CDC25B: variants seen among roughly 807,000 people sequenced by gnomAD.
CDC25B encodes the protein M-phase inducer phosphatase 2.
Under a neutral mutation model 69.8 loss-of-function variants are expected in CDC25B, and 33 were observed. The ratio of observed to expected loss-of-function variants is 0.47; its 90% CI spans 0.36 to 0.63. The LOEUF (loss-of-function observed/expected upper bound fraction) is 0.63, where lower values mean the gene tolerates loss of function less well. Among genes scored for constraint, CDC25B ranks in the 30% least tolerant of loss-of-function variants. CDC25B has a pLI of 0.00. For missense variants in CDC25B, 727 were observed against 809.1 expected (o/e 0.90, Z 1.23); for synonymous variants, 341 against 314.6 (o/e 1.08, Z -0.89).
chr20:3,804,314 T>C (rs972595046), intron 14 of CDC25B, among the ~76,000 whole-genome samples: 12 of 152,168 alleles, frequency 7.9e-5, no homozygotes, highest in African/African-American at 2.9e-4. Flanking sequence ...GGCACAGATA[T>C]CTCTAACAAA....
In CDC25B at chr20:3,805,396, G is replaced by A. The variant is rs1351982666; in HGVS notation, c.*435G>A. 8.2e-6 allele frequency: 2 copies of A among 243,978 alleles called. No homozygotes were observed. Among genetic ancestry groups the A allele is most frequent in the African/African-American group, 4.4e-5 (2 of 45,186 alleles). 15.1% of individuals were successfully genotyped at this position (243,978 alleles called of 1,614,324 possible). On this transcript the variant is annotated 3_prime_UTR_variant, in exon 16 of 16. Transcript: ENST00000245960. The stretch of plus-strand genomic sequence containing the variant: ...CCTGAGAGTCAGCTCTCTGCCCTGT[G>A]TACTTCCCGGGCCAGGGCTGCCCCT...
At chr20:3,801,223 C>T in intron 7 of CDC25B, 31 bp from the exon 8 acceptor site, 2 of 1,610,516 alleles carry the variant, frequency 1.2e-6, no homozygotes, top group Non-Finnish European at 1.7e-6. Flanking sequence ...ATCTCCACCT[C>T]TAAGTCTGTG....
upstream of CDC25B, among the ~76,000 whole-genome samples, chr20:3,793,906 T>C (rs1436052467): frequency 1.3e-5 from 2 of 151,298 alleles, no homozygotes; most frequent in African/African-American, 4.9e-5. Context: ...ATTTCATCCA[T>C]GTCCCTACAA....
Position 3,801,268 on chromosome 20 carries a change from C to A in CDC25B, c.720C>A (p.Asp240Glu), listed in dbSNP as rs2089273780. 6.2e-7 allele frequency: 1 copy of A among 1,613,922 alleles called. No homozygotes were observed. The highest frequency in any genetic ancestry group is 2.2e-5 in the East Asian group (1 of 44,872). Residue 240 changes from aspartate (D) to glutamate (E), a missense_variant, in exon 8 of 16, where the codon GAC (aspartate) becomes GAA (glutamate). Physicochemically the swap from Asp to Glu is conservative, Grantham distance 45 (BLOSUM62 2). Around this residue, in one of 2 missense-constraint regions of CDC25B, gnomAD observed 368 missense variants for 345.6 expected, o/e 1.06. Transcript: ENST00000245960. ...SAPDLMCLSP[D>E]RKMEVEELSP... ...CATGTGGACAGTGTCTCAGTCCTGA[C>A]CGGAAGATGGAAGTGGAGGAGCTCA...
Position 3,797,650 on chromosome 20 carries a change from C to G in CDC25B, c.229C>G (p.Leu77Val), listed in dbSNP as rs767599192. 1 of 1,614,200 alleles carries G rather than the reference C, an allele frequency of 6.2e-7. No individual in the cohort carries two copies. Among genetic ancestry groups the G allele is most frequent in the Non-Finnish European group, 8.5e-7 (1 of 1,180,036 alleles). ...SETPKSQVGT[L>V]LFRSRSRLTH... Reference sequence around the variant, plus strand: ...AACCCCAAAGAGTCAGGTAGGGACCCTGCTCTTCCGCAGCCGCAGCCGCCT... The same window carrying G: ...AACCCCAAAGAGTCAGGTAGGGACCGTGCTCTTCCGCAGCCGCAGCCGCCT... The change falls in exon 2 of 16, where the codon CTG (leucine) becomes GTG (valine). Residue 77 changes from leucine (L) to valine (V), a missense_variant. Leu to Val is a conservative substitution (Grantham distance 32, BLOSUM62 1). Around this residue, in one of 2 missense-constraint regions of CDC25B, gnomAD observed 368 missense variants for 345.6 expected, o/e 1.06. Coordinates refer to ENST00000245960, the MANE Select transcript of CDC25B (RefSeq NM_021873.4).
At position 3,789,691 on chromosome 20, in the gene CDC25B, A is replaced by AAATAATG. The variant is rs1425738323; in HGVS notation, c.8+2554_8+2555insTAATGAA. Reference sequence around the variant, plus strand: ...CGGCCAAAAAATAATAATAAATAATAAAAATAAAGAGAACAACATTGGGCG... The same window carrying AAATAATG: ...CGGCCAAAAAATAATAATAAATAATAAATAATGAAAATAAAGAGAACAACATTGGGCG... On this transcript the variant is annotated intron_variant, in intron 1 of 15. Coordinates refer to the CDC25B transcript ENST00000344256. 1.1e-4 allele frequency among the ~76,000 whole-genome samples: 16 copies of AAATAATG among 151,752 alleles called. 1 individual carries two copies. Among genetic ancestry groups the AAATAATG allele is most frequent in the African/African-American group, 3.9e-4 (16 of 41,388 alleles).
chr20:3,800,800 G>C lies in CDC25B; in HGVS notation c.517G>C (p.Asp173His). 1 of 1,612,798 alleles carries C rather than the reference G, an allele frequency of 6.2e-7. No homozygotes were observed. Among genetic ancestry groups the C allele is most frequent in the Non-Finnish European group, 8.5e-7 (1 of 1,180,030 alleles). ...GAACATCACCAACTCCCAGGCGCCC[G>C]ACGGCCGGAGGAAGAGCGAGGCGGG... is the stretch of plus-strand genomic sequence containing the variant. ...LRNITNSQAP[D>H]GRRKSEAGSG... is the part of the protein sequence containing the mutation. The change falls in exon 6 of 16, where the codon GAC (aspartate) becomes CAC (histidine). Residue 173 changes from aspartate to histidine, a missense_variant. Asp to His is a moderately conservative substitution (Grantham distance 81, BLOSUM62 -1). Around this residue, in one of 2 missense-constraint regions of CDC25B, gnomAD observed 368 missense variants for 345.6 expected, o/e 1.06. Coordinates refer to ENST00000245960, the MANE Select transcript of CDC25B (RefSeq NM_021873.4).
At chr20:3,793,325 C>T (rs1195701765), upstream of CDC25B, among the ~76,000 whole-genome samples, 10 of 152,064 alleles carry the variant, frequency 6.6e-5, no homozygotes, top group African/African-American at 9.7e-5. Flanking sequence ...GGAATGGTGG[C>T]GGGCACCTGT....
At chr20:3,797,840 T>C (rs1324834223) in intron 2 of CDC25B, 91 bp downstream of exon 2, 2 of 1,497,406 alleles carry the variant, frequency 1.3e-6, no homozygotes, top group Non-Finnish European at 1.8e-6. Flanking sequence ...CCGATCAAAC[T>C]AACATCCTCC....
chr20:3,790,560 G>A (rs1474205326), intron 1 of CDC25B, among the ~76,000 whole-genome samples: 2 of 150,100 alleles, frequency 1.3e-5, no homozygotes, highest in African/African-American at 2.4e-5. Context: ...GGTGGCTCAC[G>A]CCTGTAATCC....
At chr20:3,802,886 C>T (rs751954155) in intron 11 of CDC25B, 24 bp from the exon 12 acceptor site, 2 of 1,600,572 alleles carry the variant, frequency 1.2e-6, no homozygotes, top group Non-Finnish European at 1.7e-6. Flanking sequence ...CTCCCCTCTC[C>T]CTCATCCCTT....
chr20:3,796,828 G>A (rs903765425), intron 1 of CDC25B, 97 bp downstream of exon 1: 9 of 1,443,904 alleles, frequency 6.2e-6, no homozygotes, highest in Non-Finnish European at 8.2e-6. Context: ...AATCCAGGAG[G>A]TGGAGTCCGG....
chr20:3,797,899 G>T lies in CDC25B; in HGVS notation c.328+150G>T, dbSNP rs913657099. The T allele has an allele frequency of 7.2e-6, 7 of 967,824 alleles. No individual in the cohort carries two copies. In the African/African-American group the frequency reaches 9.8e-5, roughly 14 times the overall value. 60.0% of individuals were successfully genotyped at this position (967,824 alleles called of 1,614,324 possible). A position where few individuals can be genotyped will look rare whatever the true frequency, so the allele number is the denominator to read the frequency against. ...CCTCTCCCCCACCCTCCACAGAAAT[G>T]GGAGGAAGACACACCTCTTGTGGGG... On this transcript the variant is annotated intron_variant, in intron 2 of 15. Transcript: ENST00000245960.
rs769895609 is a variant in CDC25B, at chr20:3,803,160, T to C, written c.1310T>C (p.Ile437Thr). Residue 437 changes from isoleucine to threonine, a missense_variant, in exon 13 of 16, where the codon ATT becomes ACT. Coordinates refer to ENST00000245960, the MANE Select transcript of CDC25B (RefSeq NM_021873.4). This position sits in a 1 kb window ranked among gnomAD's most constrained non-coding sequence, Gnocchi z 4.9. ...KFSNIVDKFV[I>T]VDCRYPYEYE... ...AGCAACATCGTGGATAAGTTTGTGA[T>C]TGTAGACTGCAGATACCCCTATGAA... 6.2e-6 allele frequency: 10 copies of C among 1,613,946 alleles called. No homozygotes were observed. Among genetic ancestry groups the C allele is most frequent in the South Asian group, 1.1e-5 (1 of 91,070 alleles).
Position 3,800,473 on chromosome 20 carries a change from C to A in CDC25B, c.434C>A (p.Ala145Asp), listed in dbSNP as rs111654983. ...ATTTCCTCCTGTAGCGAGCAGTTTGCCATCAGACGCTTCCAGTCTATGCCG... is the reference window on the plus strand; with the variant it reads ...ATTTCCTCCTGTAGCGAGCAGTTTGACATCAGACGCTTCCAGTCTATGCCG... ...ASRIIRNEQF[A>D]IRRFQSMPVR... The change falls in exon 5 of 16, where the codon GCC (alanine) becomes GAC (aspartate). Residue 145 changes from alanine to aspartate, a missense_variant. Physicochemically the swap from Ala to Asp is moderately radical, Grantham distance 126. This residue lies in a region of CDC25B where 368 missense variants were observed against 345.6 expected (regional missense o/e 1.06). Coordinates refer to ENST00000245960, the MANE Select transcript of CDC25B (RefSeq NM_021873.4). 3 of 1,614,104 alleles carry A rather than the reference C, an allele frequency of 1.9e-6. No homozygotes were observed. The African/African-American group carries it at 4.0e-5, about 22-fold the overall frequency.
chr20:3,802,739 T>C, intron 11 of CDC25B, 171 bp from the exon 12 acceptor site: 1 of 632,882 alleles, frequency 1.6e-6, no homozygotes, highest in South Asian at 1.9e-5. Flanking sequence ...GGTTGTTCCC[T>C]GGGTGTCAGA....
In CDC25B at chr20:3,800,733, G is replaced by C; in HGVS notation, c.460-10G>C. Reference sequence around the variant, plus strand: ...CATTCCTCTGCCTGCCGCCCTGCCTGGCTCTCTAGGTGAGGCTGCTGGGCC... The same window carrying C: ...CATTCCTCTGCCTGCCGCCCTGCCTCGCTCTCTAGGTGAGGCTGCTGGGCC... On this transcript the variant is annotated splice_polypyrimidine_tract_variant and intron_variant, in intron 5 of 15. Transcript: ENST00000245960. 6.2e-7 allele frequency: 1 copy of C among 1,607,246 alleles called. No individual in the cohort carries two copies. The highest frequency in any genetic ancestry group is 1.1e-5 in the South Asian group (1 of 91,058).
chr20:3,797,350 C>T (rs1036923641), intron 1 of CDC25B, among the ~76,000 whole-genome samples: 1 of 152,202 alleles, frequency 6.6e-6, no homozygotes, highest in Non-Finnish European at 1.5e-5. Context: ...AGGCTGGCCT[C>T]CAGCCAGGCA....
intron 3 of CDC25B, among the ~76,000 whole-genome samples, chr20:3,799,139 C>T (rs2089171834): frequency 6.6e-6 from 1 of 152,216 alleles, no homozygotes; most frequent in South Asian, 2.1e-4. Flanking sequence ...GACAGCTGGG[C>T]ATCTCTGGCC....
Sources: gnomAD v4.1 joint callset for allele counts (sites outside exome capture counted in the v4.1 genomes callset) on GRCh38, gnomAD v4.1.1 for gene constraint, gnomAD v4.1.1 regional missense constraint, Gnocchi (gnomAD v3.1) non-coding constraint, MANE v1.5 for transcripts, NCBI Gene and HGNC (gene_info 2026-07-23, HGNC 2026-07-21) for gene names.